Variants in UNC79 observed in about 807,000 individuals in gnomAD.
UNC79 encodes the protein unc-79 subunit of NALCN channel complex.
UNC79 carries 37 observed loss-of-function variants against 283.1 expected under a neutral mutation model. The observed-to-expected ratio is 0.13, with a 90% confidence interval of 0.10 to 0.17. The LOEUF (loss-of-function observed/expected upper bound fraction) is 0.17. UNC79 is among the 10% of genes least tolerant of loss of function. The probability of loss-of-function intolerance (pLI) is 1.00; values close to 1 mark genes in which losing one functional copy is unlikely to be tolerated. For synonymous variants in UNC79, 1,107 were observed against 1,200.2 expected, an observed-to-expected ratio of 0.92 and a Z score of 1.61; for missense variants, 2,272 against 3,211.1, an observed-to-expected ratio of 0.71 and a Z score of 7.07.
intron 22 of UNC79, among the ~76,000 whole-genome samples, chr14:93,588,750 AAAAAAAAAAAAAAAAAG>A (rs1371690529): frequency 6.7e-6 from 1 of 149,640 alleles, no homozygotes; most frequent in Non-Finnish European, 1.5e-5. Context: ...CAAAAAAAAA[AAAAAAAAAAAAAAAAAG>A]AGAGAGAAAA....
intron 35 of UNC79, among the ~76,000 whole-genome samples, chr14:93,648,054 C>T (rs1344188117): frequency 6.6e-6 from 1 of 152,162 alleles, no homozygotes; most frequent in African/African-American, 2.4e-5. Context: ...ATTATGGGAG[C>T]TACAATTCAA....
intron 22 of UNC79, among the ~76,000 whole-genome samples, chr14:93,590,358 G>C (rs147973913): frequency 6.9e-4 from 105 of 152,266 alleles, no homozygotes; most frequent in African/African-American, 2.3e-3. Context: ...CTGGGGAAAG[G>C]GAAAGGGCAG....
At chr14:93,347,566 C>T (rs189362927) in intron 1 of UNC79, among the ~76,000 whole-genome samples, 4 of 151,908 alleles carry the variant, frequency 2.6e-5, no homozygotes, top group East Asian at 3.9e-4. Flanking sequence ...GGGGGAGGTT[C>T]CTGGGAGAGG....
rs529176171 is a variant in UNC79, at chr14:93,700,902, G to A, written c.7549-3723G>A. Among the ~76,000 whole-genome samples the A allele has an allele frequency of 2.6e-3, 401 of 151,826 alleles. 4 individuals carry two copies. Among genetic ancestry groups the A allele is most frequent in the African/African-American group, 9.2e-3 (381 of 41,222 alleles). On this transcript the variant is annotated intron_variant, in intron 47 of 48. Coordinates refer to ENST00000555664, the Ensembl canonical transcript of UNC79. ...GGATTTTTTTCCTTCTAAGATTTTC[G>A]GGTCGTTTTTTCTCCAGTGTTGGGT...
At chr14:93,338,670 G>T (rs1427524058) in intron 1 of UNC79, among the ~76,000 whole-genome samples, 2 of 152,164 alleles carry the variant, frequency 1.3e-5, no homozygotes, top group Non-Finnish European at 2.9e-5. Context: ...AGGTTGGAAG[G>T]CCCAGGTGGG....
chr14:93,543,217 C>A (rs201682197), intron 14 of UNC79, among the ~76,000 whole-genome samples: 1 of 142,318 alleles, frequency 7.0e-6, no homozygotes, highest in South Asian at 2.3e-4. Flanking sequence ...TATATATATA[C>A]AGGTTAATGG....
chr14:93,404,499 T>TATATATATATATATATATATATATATA, intron 1 of UNC79, among the ~76,000 whole-genome samples: 1 of 59,502 alleles, frequency 1.7e-5, no homozygotes, highest in South Asian at 4.5e-4. Context: ...AAAAAATATA[T>TATATATATATATATATATATATATATA]ATATATATAT....
chr14:93,662,610 T>C (rs770733477), exon 40 of UNC79: 8 of 1,606,328 alleles, frequency 5.0e-6, no homozygotes, highest in South Asian at 3.3e-5. Flanking sequence ...GCAGAGTTTG[T>C]TGGAACCATT....
chr14:93,345,009 G>A (rs1011820170), intron 1 of UNC79, among the ~76,000 whole-genome samples: 1 of 152,136 alleles, frequency 6.6e-6, no homozygotes, highest in Non-Finnish European at 1.5e-5. Context: ...ACCAGCCTGG[G>A]CAACATGGTG....
intron 38 of UNC79, among the ~76,000 whole-genome samples, chr14:93,658,386 C>T (rs1023898281): frequency 2.6e-5 from 4 of 152,184 alleles, no homozygotes; most frequent in Non-Finnish European, 5.9e-5. Flanking sequence ...ACATTTCTAG[C>T]TGCTGGTTCT....
At chr14:93,593,862 C>T (rs2141954053) in intron 23 of UNC79, 25 bp downstream of exon 23, 2 of 1,606,406 alleles carry the variant, frequency 1.2e-6, no homozygotes, top group Non-Finnish European at 1.7e-6. Context: ...GCTTAAAACT[C>T]ATTCTGGGTC....
At chr14:93,541,236 G>A (rs2061356291) in intron 13 of UNC79, among the ~76,000 whole-genome samples, 1 of 152,160 alleles carries the variant, frequency 6.6e-6, no homozygotes, top group Non-Finnish European at 1.5e-5. Context: ...AATTTTTCTT[G>A]AAAGTTCAGT....
rs1293681229 is a variant in UNC79, at chr14:93,373,282, AAAT to A, written c.-351+39766_-351+39768del. Among the ~76,000 whole-genome samples the A allele has an allele frequency of 5.9e-5, 9 of 152,184 alleles. No individual in the cohort carries two copies. The East Asian group carries it at 1.7e-3, about 29-fold the overall frequency. On this transcript the variant is annotated intron_variant, in intron 1 of 49. Transcript: ENST00000256339. Reference sequence around the variant, plus strand: ...TAAATCCAAGTAACCTGAAGAAAACAAATAATAATGATTAGAGCAGAAGTCAAT... The same window carrying A: ...TAAATCCAAGTAACCTGAAGAAAACAAATAATGATTAGAGCAGAAGTCAAT...
chr14:93,463,596 G>GT (rs1459392100), intron 1 of UNC79, among the ~76,000 whole-genome samples: 1 of 152,186 alleles, frequency 6.6e-6, no homozygotes, highest in East Asian at 1.9e-4. Context: ...TGGGATTGGT[G>GT]TTTGACAGGA....
chr14:93,600,848 T>C (rs2065446776), intron 25 of UNC79, 78 bp downstream of exon 25: 1 of 1,504,470 alleles, frequency 6.6e-7, no homozygotes, highest in East Asian at 2.3e-5. Context: ...GACATTGGCA[T>C]GTCGTTTAAT....
At chr14:93,582,627 G>T (rs1157062616) in intron 20 of UNC79, among the ~76,000 whole-genome samples, 1 of 152,152 alleles carries the variant, frequency 6.6e-6, no homozygotes, top group Non-Finnish European at 1.5e-5. Context: ...GTGGACCAAG[G>T]CTGGGTGCTG....
intron 1 of UNC79, among the ~76,000 whole-genome samples, chr14:93,443,460 G>A (rs969432104): frequency 7.7e-6 from 1 of 130,560 alleles, no homozygotes; most frequent in Non-Finnish European, 1.6e-5. Context: ...CTCTTGCTCT[G>A]TCGCCCAGGC....
intron 14 of UNC79, among the ~76,000 whole-genome samples, chr14:93,546,835 T>C (rs1288368280): frequency 6.6e-6 from 1 of 152,126 alleles, no homozygotes; most frequent in East Asian, 1.9e-4. Flanking sequence ...AGTGGTATGA[T>C]CTCAATTATT....
intron 5 of UNC79, among the ~76,000 whole-genome samples, chr14:93,490,141 C>T (rs1422373602): frequency 6.6e-6 from 1 of 152,120 alleles, no homozygotes; most frequent in Non-Finnish European, 1.5e-5. Flanking sequence ...CCATTTCTCC[C>T]CCAGGGTCCT....
Sources: gnomAD v4.1 joint callset for allele counts (sites outside exome capture counted in the v4.1 genomes callset) on GRCh38, gnomAD v4.1.1 for gene constraint, MANE v1.5 for transcripts, NCBI Gene and HGNC (gene_info 2026-07-23, HGNC 2026-07-21) for gene names.